The following RNF152 variants were observed in gnomAD, a reference collection of about 807,000 sequenced individuals.
The protein encoded by RNF152 is E3 ubiquitin-protein ligase RNF152.
A neutral mutation model predicts 12.7 loss-of-function variants in RNF152; 11 were observed. The observed-to-expected ratio is 0.86, with a 90% CI of 0.54 to 1.43. The LOEUF is 1.43. RNF152 is among the 40% of genes most tolerant of loss of function. The probability of loss-of-function intolerance (pLI) is 0.00; values close to 1 mark genes in which losing one functional copy is unlikely to be tolerated. For synonymous variants in RNF152, 113 were observed against 120.3 expected, an observed-to-expected ratio of 0.94 and a Z score of 0.40; for missense variants, 255 against 274.8, an observed-to-expected ratio of 0.93 and a Z score of 0.51.
rs1183975242 is a variant in RNF152, at chr18:61,812,398, G to A, written c.*3454C>T. 2 of 151,860 alleles carry A rather than the reference G, an allele frequency of 1.3e-5. No homozygotes were observed. The highest frequency in any genetic ancestry group is 4.8e-5 in the African/African-American group (2 of 41,278). The allele number at this position is 151,860 out of a possible 1,614,324, so 9.4% of individuals were successfully genotyped here. A position where few individuals can be genotyped will look rare whatever the true frequency, so the allele number is the denominator to read the frequency against. ...ACCATCACATGGTTTAACCTTCAAG[G>A]GACCCAATCTGTAAGCCATGCAAAA... On this transcript the variant is annotated 3_prime_UTR_variant, in exon 2 of 2. Transcript: ENST00000312828.
intron 1 of RNF152, among the ~76,000 whole-genome samples, chr18:61,839,936 T>C (rs1009331556): frequency 1.3e-5 from 2 of 152,190 alleles, no homozygotes; most frequent in African/African-American, 4.8e-5. Flanking sequence ...GCTCAACTTG[T>C]ATTTCCCCAT....
At chr18:61,868,698 G>A (rs1053949139) in intron 1 of RNF152, among the ~76,000 whole-genome samples, 5 of 151,100 alleles carry the variant, frequency 3.3e-5, no homozygotes, top group African/African-American at 7.3e-5. Flanking sequence ...GCAAGACTCC[G>A]TCTCAAAAAA....
chr18:61,881,843 C>T (rs570432344), intron 1 of RNF152, among the ~76,000 whole-genome samples: 215 of 152,312 alleles, frequency 1.4e-3, no homozygotes, highest in African/African-American at 5.0e-3. Context: ...ATTCTTATTT[C>T]CTTCTCAGAG....
intron 1 of RNF152, among the ~76,000 whole-genome samples, chr18:61,846,496 G>A (rs982493751): frequency 6.6e-6 from 1 of 152,084 alleles, no homozygotes; most frequent in African/African-American, 2.4e-5. Context: ...ACAATTCATT[G>A]TCTTACAGGT....
At chr18:61,827,472 TAA>T (rs1568266387) in intron 1 of RNF152, among the ~76,000 whole-genome samples, 1 of 152,214 alleles carries the variant, frequency 6.6e-6, no homozygotes, top group Non-Finnish European at 1.5e-5. Flanking sequence ...ACCTAACTGT[TAA>T]GACTCATTTA....
At chr18:61,868,021 TA>T (rs1257587488) in intron 1 of RNF152, among the ~76,000 whole-genome samples, 1 of 152,184 alleles carries the variant, frequency 6.6e-6, no homozygotes. Context: ...ACGAGCCTCC[TA>T]GGGGCAATTC....
intron 1 of RNF152, among the ~76,000 whole-genome samples, chr18:61,822,540 A>G (rs191847897): frequency 2.7e-4 from 41 of 152,378 alleles, no homozygotes; most frequent in Middle Eastern, 3.4e-3. Flanking sequence ...GATCTCCAAC[A>G]TTGAATTTTT....
rs397711787 is a variant in RNF152, at chr18:61,810,294, T to TGTGTG, written c.*5557_*5558insCACAC. ...CGTGGTGTGTGTGTGTGTGTGTGTG[T>TGTGTG]AGTAAGTCAGTTGTGTCAGAAAAAT... On this transcript the variant is annotated 3_prime_UTR_variant, in exon 2 of 2. Coordinates refer to ENST00000312828, the MANE Select transcript of RNF152 (RefSeq NM_173557.3). 1 of 151,774 alleles carries TGTGTG rather than the reference T, an allele frequency of 6.6e-6. No individual in the cohort carries two copies. Among genetic ancestry groups the TGTGTG allele is most frequent in the African/African-American group, 2.4e-5 (1 of 41,174 alleles). The allele number at this position is 151,774 out of a possible 1,614,324, so 9.4% of individuals were successfully genotyped here.
At chr18:61,879,952 C>G (rs574479279) in intron 1 of RNF152, among the ~76,000 whole-genome samples, 2 of 146,008 alleles carry the variant, frequency 1.4e-5, no homozygotes, top group East Asian at 2.1e-4. Flanking sequence ...GCAACAAGAG[C>G]GAAACTCCAT....
chr18:61,852,758 C>T (rs1450826343), intron 1 of RNF152, among the ~76,000 whole-genome samples: 1 of 152,138 alleles, frequency 6.6e-6, no homozygotes, highest in Admixed American at 6.5e-5. Context: ...CTCCAGGTGA[C>T]TCACTGAGCA....
chr18:61,837,919 A>T (rs1910261800), intron 1 of RNF152, among the ~76,000 whole-genome samples: 1 of 152,198 alleles, frequency 6.6e-6, no homozygotes, highest in Non-Finnish European at 1.5e-5. Context: ...TCTGGATCCA[A>T]CAAAATCCAG....
intron 1 of RNF152, among the ~76,000 whole-genome samples, chr18:61,849,892 C>G (rs1910896862): frequency 6.6e-6 from 1 of 152,190 alleles, no homozygotes; most frequent in Non-Finnish European, 1.5e-5. Context: ...TGAGGAGCAC[C>G]TGGCTTCTGG....
At chr18:61,849,029 G>A (rs927747460) in intron 1 of RNF152, among the ~76,000 whole-genome samples, 8 of 152,156 alleles carry the variant, frequency 5.3e-5, no homozygotes, top group African/African-American at 1.7e-4. Context: ...GAGGGCCTTC[G>A]AGCATTCCTA....
At chr18:61,826,639 C>T (rs1244254932) in intron 1 of RNF152, among the ~76,000 whole-genome samples, 1 of 152,142 alleles carries the variant, frequency 6.6e-6, no homozygotes, top group Non-Finnish European at 1.5e-5. Flanking sequence ...AGAACTTTCC[C>T]TCCGCAACAG....
chr18:61,869,664 G>C (rs1446886302), intron 1 of RNF152, among the ~76,000 whole-genome samples: 1 of 152,172 alleles, frequency 6.6e-6, no homozygotes, highest in Non-Finnish European at 1.5e-5. Flanking sequence ...ATTAGAATAA[G>C]TACAGGTTTT....
At chr18:61,876,867 TGGG>T (rs1438283196) in intron 1 of RNF152, among the ~76,000 whole-genome samples, 1 of 152,166 alleles carries the variant, frequency 6.6e-6, no homozygotes, top group Non-Finnish European at 1.5e-5. Flanking sequence ...ATGCTTTATA[TGGG>T]GGAACAAAAC....
chr18:61,894,119 A>C (rs1442478400), upstream of RNF152: 1 of 152,102 alleles, frequency 6.6e-6, no homozygotes, highest in African/African-American at 2.4e-5. The surrounding 1 kb of genome is among the most constrained non-coding windows in gnomAD (Gnocchi z 4.9). Context: ...CGGAGCCGGC[A>C]GAGCAGAGAA....
intron 1 of RNF152, among the ~76,000 whole-genome samples, chr18:61,834,983 G>A (rs1910116869): frequency 6.6e-6 from 1 of 152,188 alleles, no homozygotes. Context: ...TGATTCCAAT[G>A]TCAATTGAGG....
At chr18:61,819,495 T>C (rs112739957) in intron 1 of RNF152, among the ~76,000 whole-genome samples, 9 of 152,122 alleles carry the variant, frequency 5.9e-5, no homozygotes, top group African/African-American at 2.2e-4. Context: ...ATAGTGATGA[T>C]TAGGACAGAA....
Sources: gnomAD v4.1 joint callset for allele counts (sites outside exome capture counted in the v4.1 genomes callset) on GRCh38, gnomAD v4.1.1 for gene constraint, Gnocchi (gnomAD v3.1) non-coding constraint, MANE v1.5 for transcripts, NCBI Gene and HGNC (gene_info 2026-07-23, HGNC 2026-07-21) for gene names.